The following PRR16 variants were observed in gnomAD, a reference collection of about 807,000 sequenced individuals.
The protein encoded by PRR16 is proline rich 16, also known as protein Largen.
PRR16 carries 6 observed loss-of-function variants against 18.2 expected under a neutral mutation model. That is an observed-to-expected ratio of 0.33 (90% CI 0.18 to 0.65). PRR16 has a LOEUF of 0.65. PRR16 is among the 30% of genes least tolerant of loss of function. The pLI, the probability that PRR16 is intolerant of heterozygous loss-of-function variation, is 0.74. For synonymous variants in PRR16, 151 were observed against 147.8 expected (o/e 1.02, Z -0.16); for missense variants, 412 against 376.6 (o/e 1.09, Z -0.78).
At chr5:120,533,162 G>A (rs1405898313) in intron 1 of PRR16, among the ~76,000 whole-genome samples, 1 of 152,156 alleles carries the variant, frequency 6.6e-6, no homozygotes, top group Non-Finnish European at 1.5e-5. Context: ...CTAGAGTTCT[G>A]CGGAGAAATT....
intron 1 of PRR16, among the ~76,000 whole-genome samples, chr5:120,659,638 A>T (rs1008258575): frequency 6.6e-6 from 1 of 152,032 alleles, no homozygotes; most frequent in African/African-American, 2.4e-5. Flanking sequence ...AATCCTTTCA[A>T]CATAGCTTTT....
At chr5:120,731,445 T>C in the PRR16 span, among the ~76,000 whole-genome samples, 149,533 of 152,176 alleles carry the variant, frequency 0.98, 73,523 homozygotes, top group East Asian at 1. Flanking sequence ...TTGTATATAC[T>C]TTTTCTCAAG....
chr5:120,628,743 T>TA (rs1754959092), intron 1 of PRR16, among the ~76,000 whole-genome samples: 1 of 137,594 alleles, frequency 7.3e-6, no homozygotes, highest in South Asian at 2.3e-4. Flanking sequence ...TCTATCTATC[T>TA]ATCTATCATC....
chr5:120,504,061 A>C (rs1340521322), intron 1 of PRR16, among the ~76,000 whole-genome samples: 1 of 151,386 alleles, frequency 6.6e-6, no homozygotes, highest in Non-Finnish European at 1.5e-5. Context: ...TTTAGGGTAC[A>C]TGTGCACAAT....
At chr5:120,748,929 A>G in the PRR16 span, among the ~76,000 whole-genome samples, 1 of 152,128 alleles carries the variant, frequency 6.6e-6, no homozygotes. Flanking sequence ...TTTTGTTGTT[A>G]GCAATTTCTT....
the PRR16 span, among the ~76,000 whole-genome samples, chr5:120,719,541 T>C: frequency 6.6e-6 from 1 of 152,066 alleles, no homozygotes; most frequent in Non-Finnish European, 1.5e-5. Context: ...GACTTGTTGC[T>C]GATGGGAAGA....
chr5:120,546,295 G>A (rs1243745496), intron 1 of PRR16, among the ~76,000 whole-genome samples: 1 of 152,022 alleles, frequency 6.6e-6, no homozygotes, highest in Non-Finnish European at 1.5e-5. Context: ...AATACACAAT[G>A]GTAATGATGT....
chr5:120,501,672 C>A (rs1332195977), intron 1 of PRR16, among the ~76,000 whole-genome samples: 1 of 151,822 alleles, frequency 6.6e-6, no homozygotes, highest in Non-Finnish European at 1.5e-5. Flanking sequence ...AGTCCAGTTG[C>A]TCATAAAATA....
intron 1 of PRR16, among the ~76,000 whole-genome samples, chr5:120,547,582 C>T (rs926371628): frequency 6.6e-6 from 1 of 151,528 alleles, no homozygotes; most frequent in Non-Finnish European, 1.5e-5. Flanking sequence ...ACAGTAGTAG[C>T]TACTATCTTT....
chr5:120,500,054 AGTGGAG>A lies in PRR16; in HGVS notation c.159+35413_159+35418del, dbSNP rs1432075283. On this transcript the variant is annotated intron_variant, in intron 1 of 1. Coordinates refer to ENST00000407149, the MANE Select transcript of PRR16 (RefSeq NM_001300783.2). ...TTTTTCTGATACCATGCCAATGTGG[AGTGGAG>A]GTGCTTCTTTACAGTTTCTTGAGGG... 1.6e-4 allele frequency among the ~76,000 whole-genome samples: 24 copies of A among 151,378 alleles called. 1 individual carries two copies. In the South Asian group the frequency reaches 1.7e-3, roughly 10 times the overall value.
chr5:120,632,361 T>C (rs1755086364), intron 1 of PRR16, among the ~76,000 whole-genome samples: 1 of 152,010 alleles, frequency 6.6e-6, no homozygotes, highest in South Asian at 2.1e-4. Flanking sequence ...ACCAGCAATA[T>C]ATCCAAGCCA....
chr5:120,721,921 T>C, the PRR16 span, among the ~76,000 whole-genome samples: 1 of 152,062 alleles, frequency 6.6e-6, no homozygotes, highest in Admixed American at 6.6e-5. Context: ...ATGGGATACA[T>C]GTGCAGAACA....
chr5:120,526,399 C>T (rs1335612914), intron 1 of PRR16, among the ~76,000 whole-genome samples: 5 of 152,100 alleles, frequency 3.3e-5, no homozygotes, highest in African/African-American at 1.2e-4. Context: ...AATATAATTG[C>T]ATGCCATTTC....
chr5:120,571,550 G>T (rs191808317), intron 1 of PRR16, among the ~76,000 whole-genome samples: 5 of 152,208 alleles, frequency 3.3e-5, no homozygotes, highest in Admixed American at 3.3e-4. Flanking sequence ...TGATCAAAAG[G>T]GTGGTATATT....
intron 1 of PRR16, among the ~76,000 whole-genome samples, chr5:120,660,463 G>A (rs1270799276): frequency 6.6e-6 from 1 of 152,036 alleles, no homozygotes; most frequent in African/African-American, 2.4e-5. Context: ...GGTAAGGCAA[G>A]CCAATACTTT....
intron 1 of PRR16, among the ~76,000 whole-genome samples, chr5:120,526,498 G>A (rs1166481960): frequency 3.3e-5 from 5 of 152,084 alleles, no homozygotes; most frequent in Non-Finnish European, 5.9e-5. Flanking sequence ...AATTATTGCC[G>A]TTCCCTCCTT....
At chr5:120,524,490 A>G (rs904160257) in intron 1 of PRR16, among the ~76,000 whole-genome samples, 12 of 152,062 alleles carry the variant, frequency 7.9e-5, no homozygotes, top group African/African-American at 2.9e-4. Flanking sequence ...TCAACTCATG[A>G]ATATAGAGAG....
At chr5:120,562,222 A>G (rs1285029356) in intron 1 of PRR16, among the ~76,000 whole-genome samples, 1 of 152,012 alleles carries the variant, frequency 6.6e-6, no homozygotes, top group East Asian at 1.9e-4. Flanking sequence ...TCCCTTTATC[A>G]TTATATAATG....
intron 1 of PRR16, among the ~76,000 whole-genome samples, chr5:120,541,567 A>C (rs1160671241): frequency 1.3e-5 from 2 of 152,218 alleles, no homozygotes; most frequent in Non-Finnish European, 2.9e-5. Context: ...TTCTACTTTC[A>C]AGAACTAATG....
Sources: allele counts gnomAD v4.1 joint callset (sites outside exome capture counted in the v4.1 genomes callset), GRCh38; gene constraint gnomAD v4.1.1; transcripts MANE v1.5; gene names NCBI Gene and HGNC (gene_info 2026-07-23, HGNC 2026-07-21).